The following CFAP61 variants were observed in gnomAD, a reference collection of about 807,000 sequenced individuals.
CFAP61 encodes cilia and flagella associated protein 61, also known as cilia- and flagella-associated protein 61.
In CFAP61, 107 loss-of-function variants were observed where a neutral mutation model predicts 135.6. That is an observed-to-expected ratio of 0.79 (90% confidence interval 0.67 to 0.93). The LOEUF is 0.93. Ranked by LOEUF, CFAP61 falls within the 40% of genes least tolerant of loss-of-function variation. The pLI is 0.00. For missense variants in CFAP61, 1,507 were observed against 1,556.2 expected, an observed-to-expected ratio of 0.97 and a Z score of 0.53; for synonymous variants, 575 against 578.5, an observed-to-expected ratio of 0.99 and a Z score of 0.09.
Position 20,122,927 on chromosome 20 carries a change from C to G in CFAP61, c.860-19930C>G, listed in dbSNP as rs965432595. On this transcript the variant is annotated intron_variant, in intron 8 of 26. Transcript: ENST00000245957. The stretch of plus-strand genomic sequence containing the variant: ...ATCACCACATCCACGCCAACATCTA[C>G]TGTTTTTTTTAATATATTTTTTTAT... 2.0e-4 allele frequency among the ~76,000 whole-genome samples: 31 copies of G among 151,476 alleles called. 2 individuals carry two copies. The highest frequency in any genetic ancestry group is 7.3e-4 in the African/African-American group (30 of 40,944).
At chr20:20,132,741 T>C (rs1236629686) in intron 8 of CFAP61, among the ~76,000 whole-genome samples, 1 of 152,162 alleles carries the variant, frequency 6.6e-6, no homozygotes, top group Non-Finnish European at 1.5e-5. Context: ...TGATCAGTTA[T>C]GAAGTTTCCT....
intron 18 of CFAP61, among the ~76,000 whole-genome samples, chr20:20,243,757 A>C (rs1202344355): frequency 6.6e-6 from 1 of 152,162 alleles, no homozygotes; most frequent in Non-Finnish European, 1.5e-5. Context: ...TTAAATCATT[A>C]TAGCATTAAC....
chr20:20,152,319 CCAA>C (rs1245050681), intron 9 of CFAP61, among the ~76,000 whole-genome samples: 1 of 150,714 alleles, frequency 6.6e-6, no homozygotes, highest in East Asian at 1.9e-4. Context: ...AAAAAAAACA[CCAA>C]AGTATTCAGG....
intron 12 of CFAP61, 88 bp downstream of exon 12, chr20:20,166,524 A>G: frequency 9.7e-7 from 1 of 1,030,264 alleles, no homozygotes; most frequent in Non-Finnish European, 1.5e-6. Context: ...TTATGCTGTG[A>G]ATGTTGAGGT....
intron 26 of CFAP61, among the ~76,000 whole-genome samples, chr20:20,357,913 C>G (rs1467356468): frequency 2.2e-4 from 19 of 84,746 alleles, no homozygotes; most frequent in African/African-American, 6.9e-4. Context: ...GGTGGTCACA[C>G]TGAGGGGAGG....
At chr20:20,159,286 A>G in intron 9 of CFAP61, 84 bp from the exon 10 acceptor site, 6 of 1,259,328 alleles carry the variant, frequency 4.8e-6, no homozygotes, top group Non-Finnish European at 5.7e-6. Context: ...CAGGGTCTGA[A>G]CCCTGGCAGT....
intron 22 of CFAP61, among the ~76,000 whole-genome samples, chr20:20,279,993 A>G (rs1284301654): frequency 2.6e-5 from 4 of 152,040 alleles, no homozygotes; most frequent in African/African-American, 9.7e-5. Context: ...GAATATGTCC[A>G]TCCTCTTCAC....
chr20:20,150,614 T>G (rs957218489), intron 9 of CFAP61, among the ~76,000 whole-genome samples: 1 of 152,160 alleles, frequency 6.6e-6, no homozygotes, highest in African/African-American at 2.4e-5. Context: ...GCCAGCACAC[T>G]AAGCATATCT....
chr20:20,106,610 T>C (rs1216447720), intron 8 of CFAP61, among the ~76,000 whole-genome samples: 1 of 152,230 alleles, frequency 6.6e-6, no homozygotes, highest in Non-Finnish European at 1.5e-5. Flanking sequence ...TTATGATCAT[T>C]ATGTGCTGGG....
chr20:20,317,849 C>T (rs903008638), intron 25 of CFAP61, among the ~76,000 whole-genome samples: 6 of 152,198 alleles, frequency 3.9e-5, no homozygotes, highest in East Asian at 3.9e-4. Context: ...GTGTACACCA[C>T]GCTGGAGGCC....
chr20:20,087,786 A>G (rs1298708509), intron 6 of CFAP61, among the ~76,000 whole-genome samples: 1 of 152,168 alleles, frequency 6.6e-6, no homozygotes, highest in Non-Finnish European at 1.5e-5. Context: ...AAAGTACCCA[A>G]GGTCACAGCT....
At chr20:20,098,100 G>A (rs1440274420) in intron 7 of CFAP61, among the ~76,000 whole-genome samples, 1 of 152,118 alleles carries the variant, frequency 6.6e-6, no homozygotes, top group African/African-American at 2.4e-5. Context: ...ATGGTTGAAG[G>A]GTCAAGAACT....
At chr20:20,105,410 C>A (rs1038959613) in intron 8 of CFAP61, among the ~76,000 whole-genome samples, 2 of 152,064 alleles carry the variant, frequency 1.3e-5, no homozygotes, top group African/African-American at 2.4e-5. Context: ...CAGTTGCCAC[C>A]AAATTTGCCA....
At chr20:20,116,455 T>C (rs546402939) in intron 8 of CFAP61, among the ~76,000 whole-genome samples, 11 of 152,336 alleles carry the variant, frequency 7.2e-5, no homozygotes, top group African/African-American at 2.6e-4. Context: ...TTTTGTCTAT[T>C]TTTGCTTTGG....
chr20:20,112,357 A>G (rs1334878784), intron 8 of CFAP61, among the ~76,000 whole-genome samples: 8 of 152,210 alleles, frequency 5.3e-5, no homozygotes, highest in African/African-American at 1.9e-4. Flanking sequence ...TACATAAAAT[A>G]TGTGTAAAAA....
chr20:20,340,841 T>C (rs1217051745), intron 25 of CFAP61, among the ~76,000 whole-genome samples: 2 of 152,082 alleles, frequency 1.3e-5, no homozygotes, highest in Non-Finnish European at 2.9e-5. Flanking sequence ...ACTGATGCCA[T>C]GTTCTGATCC....
intron 21 of CFAP61, 58 bp downstream of exon 21, chr20:20,263,188 T>A: frequency 7.9e-7 from 1 of 1,271,472 alleles, no homozygotes; most frequent in Non-Finnish European, 1.1e-6. Context: ...TTATAATGAG[T>A]CTCATTCTTC....
chr20:20,294,805 G>A (rs1422807950), intron 24 of CFAP61, among the ~76,000 whole-genome samples: 19 of 151,294 alleles, frequency 1.3e-4, no homozygotes, highest in Admixed American at 1.1e-3. Context: ...GCTGGCGCCT[G>A]TAGTCCCAGC....
At chr20:20,074,167 T>G in intron 3 of CFAP61, 135 bp from the exon 4 acceptor site, 1 of 717,894 alleles carries the variant, frequency 1.4e-6, no homozygotes, top group Non-Finnish European at 2.5e-6. Flanking sequence ...GTTGCATCAC[T>G]TAGACATAAA....
Sources: allele counts gnomAD v4.1 joint callset (sites outside exome capture counted in the v4.1 genomes callset), GRCh38; gene constraint gnomAD v4.1.1; transcripts MANE v1.5; gene names NCBI Gene and HGNC (gene_info 2026-07-23, HGNC 2026-07-21).